Variants in CDHR4 observed in about 807,000 individuals in gnomAD.
The protein encoded by CDHR4 is cadherin related family member 4.
A neutral mutation model predicts 88.4 loss-of-function variants in CDHR4; 89 were observed. The ratio of observed to expected loss-of-function variants is 1.01; its 90% CI spans 0.85 to 1.20. CDHR4 has a LOEUF of 1.20. Among genes scored for constraint, CDHR4 ranks in the 50% most tolerant of loss-of-function variants. CDHR4 has a pLI of 0.00. For missense variants in CDHR4, 914 were observed against 1,007.2 expected, an observed-to-expected ratio of 0.91 and a Z score of 1.25; for synonymous variants, 368 against 399.2, an observed-to-expected ratio of 0.92 and a Z score of 0.93.
Position 49,799,365 on chromosome 3 carries a change from G to C in CDHR4, c.122C>G (p.Ser41Cys), listed in dbSNP as rs991431186. 1 of 1,612,666 alleles carries C rather than the reference G, an allele frequency of 6.2e-7. No homozygotes were observed. The highest frequency in any genetic ancestry group is 2.2e-5 in the East Asian group (1 of 44,860). ...GGGCGTGTAGGAGGAGCAGTTGAAG[G>C]ATAAAAACTGAAGGACTGTGCCAGG... ...QGPGTVLQFL[S>C]FNCSSYTPTP... The change falls in exon 2 of 19, where the codon TCC becomes TGC. Residue 41 changes from serine (S) to cysteine (C), a missense_variant. Physicochemically the swap from Ser to Cys is moderately radical, Grantham distance 112. Transcript: ENST00000412678.
In CDHR4 at chr3:49,795,647, T is replaced by A; in HGVS notation, c.828A>T (p.Pro276=). 1.3e-6 allele frequency: 2 copies of A among 1,550,558 alleles called. No individual in the cohort carries two copies. Among genetic ancestry groups the A allele is most frequent in the East Asian group, 4.9e-5 (2 of 40,864 alleles). The change falls in exon 7 of 19, where the codon CCA becomes CCT. Residue 276 remains proline, a synonymous_variant. Coordinates refer to ENST00000412678, the MANE Select transcript of CDHR4 (RefSeq NM_001007540.4). This position sits in a 1 kb window ranked among gnomAD's most constrained non-coding sequence, Gnocchi z 5.4. The part of the protein sequence containing the change: ...RYEILSPVPS[P]LFSIGRADGV... ...TCTCACCACGACCAATGGAGAAGAG[T>A]GGGCTGGGCACCGGAGACAGGATTT... is the stretch of plus-strand genomic sequence containing the variant.
intron 3 of CDHR4, 36 bp from the exon 4 acceptor site, chr3:49,798,953 G>T (rs1223506084): frequency 6.2e-7 from 1 of 1,611,102 alleles, no homozygotes; most frequent in Non-Finnish European, 8.5e-7. Flanking sequence ...ATCTGCTCAG[G>T]CCATGCCTGC....
chr3:49,792,042 T>G, intron 15 of CDHR4, 83 bp from the exon 16 acceptor site: 1 of 1,369,564 alleles, frequency 7.3e-7, no homozygotes, highest in Non-Finnish European at 1.0e-6. Flanking sequence ...CCCATTCCTT[T>G]ATATTGGGAA....
In CDHR4 at chr3:49,792,916, T is replaced by C; in HGVS notation, c.1933A>G (p.Ile645Val). The C allele has an allele frequency of 1.3e-6, 2 of 1,551,398 alleles. No homozygotes were observed. The highest frequency in any genetic ancestry group is 1.7e-6 in the Non-Finnish European group (2 of 1,146,834). Reference protein sequence around the residue: ...STPHLSTTATIIVHLVPRRAS... With the variant: ...STPHLSTTATVIVHLVPRRAS... The stretch of plus-strand genomic sequence containing the variant: ...CTCCGGGGAACTAGATGCACAATAA[T>C]GGTGGCTGTGGTGCTGAGGTGGGGG... The change falls in exon 14 of 19, where the codon ATT (isoleucine) becomes GTT (valine). Residue 645 changes from isoleucine to valine, a missense_variant. By Grantham distance (29) the Ile-to-Val change is conservative (BLOSUM62 3). Transcript: ENST00000412678.
rs2081317243 is a variant in CDHR4, at chr3:49,798,923, C to G, written c.404-6G>C. On this transcript the variant is annotated splice_polypyrimidine_tract_variant and splice_region_variant and intron_variant, in intron 3 of 18. Coordinates refer to ENST00000412678, the MANE Select transcript of CDHR4 (RefSeq NM_001007540.4). Reference sequence around the variant, plus strand: ...CACCTGAATCATTTCCCCAGCTGGCCAGAGTGGAGGTCAGGGAGGATCTGC... The same window carrying G: ...CACCTGAATCATTTCCCCAGCTGGCGAGAGTGGAGGTCAGGGAGGATCTGC... 1.2e-6 allele frequency: 2 copies of G among 1,612,718 alleles called. No individual in the cohort carries two copies. Among genetic ancestry groups the G allele is most frequent in the South Asian group, 2.2e-5 (2 of 90,710 alleles).
upstream of CDHR4, among the ~76,000 whole-genome samples, chr3:49,802,169 T>G (rs1031283698): frequency 6.7e-6 from 1 of 148,562 alleles, no homozygotes; most frequent in Non-Finnish European, 1.5e-5. Context: ...TCCTCCTGCT[T>G]CTTCTTCCTT....
chr3:49,792,737 G>A (rs746422747), intron 14 of CDHR4, 117 bp downstream of exon 14: 21 of 1,454,948 alleles, frequency 1.4e-5, no homozygotes, highest in East Asian at 7.4e-5. Flanking sequence ...TGGGCTCTCC[G>A]CACTCTGCGC....
At position 49,795,905 on chromosome 3, in the gene CDHR4, C is replaced by A; in HGVS notation, c.710+38G>T. ...CCTACCTGATTCCCTGGGGCTAGGC[C>A]CTTCCTCCCTCACTGTTCCAGGGTA... On this transcript the variant is annotated intron_variant, in intron 6 of 18. Transcript: ENST00000412678. The surrounding 1 kb of genome is among the most constrained non-coding windows in gnomAD (Gnocchi z 5.4). The A allele has an allele frequency of 6.6e-7, 1 of 1,517,678 alleles. No homozygotes were observed. Among genetic ancestry groups the A allele is most frequent in the Non-Finnish European group, 8.9e-7 (1 of 1,129,578 alleles). The allele number at this position is 1,517,678 out of a possible 1,614,324, so 94.0% of individuals were successfully genotyped here.
rs541901142 is a variant in CDHR4 at position 49,793,494 on chromosome 3, G to A, written c.1623+89C>T. Reference sequence around the variant, plus strand: ...CCAGCCAACTCGTGGAAGAAACCAAGGCACAGAGTGGAAAAGCAGAACACC... The same window carrying A: ...CCAGCCAACTCGTGGAAGAAACCAAAGCACAGAGTGGAAAAGCAGAACACC... On this transcript the variant is annotated intron_variant, in intron 12 of 18. Transcript: ENST00000412678. The A allele has an allele frequency of 7.3e-6, 11 of 1,503,342 alleles. No individual in the cohort carries two copies. The Admixed American group carries it at 1.3e-4, about 18-fold the overall frequency. 93.1% of individuals were successfully genotyped at this position (1,503,342 alleles called of 1,614,324 possible). A position where few individuals can be genotyped will look rare whatever the true frequency, so the allele number is the denominator to read the frequency against.
chr3:49,802,121 TCTTCTCCTTCTTCTC>T (rs201065433), upstream of CDHR4, among the ~76,000 whole-genome samples: 1,154 of 149,442 alleles, frequency 7.7e-3, 96 homozygotes, highest in East Asian at 0.19. Flanking sequence ...AGAATGTTCT[TCTTCTCCTTCTTCTC>T]CTTCTCCTTC....
In CDHR4 at chr3:49,795,938, C is replaced by G. The variant is rs1314354575; in HGVS notation, c.710+5G>C. ...CCTCACTGTTCCAGGGTAGGGGAGC[C>G]TTACAGGAAGGAGACCTGGCTGGAG... On this transcript the variant is annotated splice_donor_5th_base_variant and intron_variant, in intron 6 of 18. Transcript: ENST00000412678. This position sits in a 1 kb window ranked among gnomAD's most constrained non-coding sequence, Gnocchi z 5.4. The G allele has an allele frequency of 6.5e-7, 1 of 1,534,158 alleles. No individual in the cohort carries two copies. Among genetic ancestry groups the G allele is most frequent in the African/African-American group, 1.4e-5 (1 of 72,568 alleles).
intron 17 of CDHR4, 63 bp downstream of exon 17, chr3:49,791,651 G>A: frequency 1.3e-6 from 2 of 1,526,416 alleles, no homozygotes; most frequent in African/African-American, 2.8e-5. Context: ...AGGCTTGGAG[G>A]GGGCAGGGGA....
In CDHR4 at chr3:49,795,133, C is replaced by T; in HGVS notation, c.1032-33G>A. On this transcript the variant is annotated intron_variant, in intron 8 of 18. Transcript: ENST00000412678. This position sits in a 1 kb window ranked among gnomAD's most constrained non-coding sequence, Gnocchi z 5.4. ...TATGCAGTGGCAGCAAGGCAGGAGT[C>T]TGGCAGTACCCTGAGTCATGGCTCT... The T allele has an allele frequency of 6.4e-7, 1 of 1,551,590 alleles. No individual in the cohort carries two copies. Among genetic ancestry groups the T allele is most frequent in the African/African-American group, 1.4e-5 (1 of 73,156 alleles).
At chr3:49,791,381 G>A in intron 18 of CDHR4, 60 bp downstream of exon 18, 1 of 1,495,010 alleles carries the variant, frequency 6.7e-7, no homozygotes, top group Non-Finnish European at 9.0e-7. Context: ...AAGAGAGGAG[G>A]AGATACTCAG....
upstream of CDHR4, among the ~76,000 whole-genome samples, chr3:49,800,882 C>CA (rs765360361): frequency 0.13 from 7,112 of 54,886 alleles, 423 homozygotes; most frequent in African/African-American, 0.25. Context: ...CCTGTCTCTA[C>CA]AAAAAAAAAA....
upstream of CDHR4, among the ~76,000 whole-genome samples, chr3:49,800,738 A>C (rs529742773): frequency 6.6e-6 from 1 of 151,918 alleles, no homozygotes; most frequent in East Asian, 1.9e-4. Flanking sequence ...AGATCTGTCT[A>C]TTTATTGTAT....
At chr3:49,798,941 G>A (rs2081317545) in intron 3 of CDHR4, 24 bp from the exon 4 acceptor site, 2 of 1,611,808 alleles carry the variant, frequency 1.2e-6, no homozygotes, top group South Asian at 1.1e-5. Flanking sequence ...AGGTCAGGGA[G>A]GATCTGCTCA....
In CDHR4 at chr3:49,793,290, C is replaced by A; in HGVS notation, c.1645G>T (p.Glu549Ter). 1.9e-6 allele frequency: 3 copies of A among 1,551,546 alleles called. No individual in the cohort carries two copies. Among genetic ancestry groups the A allele is most frequent in the Non-Finnish European group, 2.6e-6 (3 of 1,146,978 alleles). The change falls in exon 13 of 19, where the codon GAG (glutamate) becomes TAG (stop). Residue 549 changes from glutamate to a stop codon, truncating the protein, a stop_gained. Transcript: ENST00000412678. LOFTEE classifies it high-confidence loss of function. ...AGTTCCTGAAATGGGGGCTCACACTCGGGGGCATGGTCATTCACATCCTGC... is the reference window on the plus strand; with the variant it reads ...AGTTCCTGAAATGGGGGCTCACACTAGGGGGCATGGTCATTCACATCCTGC... ...EVEDVNDHAPECEPPFQELTI... is the reference protein window; with the variant it reads ...EVEDVNDHAP
chr3:49,791,595 A>G lies in CDHR4; in HGVS notation c.2283+119T>C, dbSNP rs2081180692. On this transcript the variant is annotated intron_variant, in intron 17 of 18. Coordinates refer to ENST00000412678, the MANE Select transcript of CDHR4 (RefSeq NM_001007540.4). ...CCATTCTGATGGTGCTAGTGTGGGC[A>G]TTTCCACAAGGATACCCATTCATCG... 2.7e-6 allele frequency: 4 copies of G among 1,476,856 alleles called. No homozygotes were observed. In the South Asian group the frequency reaches 5.0e-5, roughly 19 times the overall value. 91.5% of individuals were successfully genotyped at this position (1,476,856 alleles called of 1,614,324 possible). A position where few individuals can be genotyped will look rare whatever the true frequency, so the allele number is the denominator to read the frequency against.
Sources: gnomAD v4.1 joint callset for allele counts (sites outside exome capture counted in the v4.1 genomes callset) on GRCh38, gnomAD v4.1.1 for gene constraint, Gnocchi (gnomAD v3.1) non-coding constraint, MANE v1.5 for transcripts, NCBI Gene and HGNC (gene_info 2026-07-23, HGNC 2026-07-21) for gene names.